Variants in ZSWIM9 observed in about 807,000 individuals in gnomAD.
The protein encoded by ZSWIM9 is zinc finger SWIM-type containing 9, also known as uncharacterized protein ZSWIM9.
A neutral mutation model predicts 25.0 loss-of-function variants in ZSWIM9; 11 were observed. The observed-to-expected ratio is 0.44, with a 90% CI of 0.28 to 0.73. The LOEUF (loss-of-function observed/expected upper bound fraction) is 0.73, where lower values mean the gene tolerates loss of function less well. Among genes scored for constraint, ZSWIM9 ranks in the 30% least tolerant of loss-of-function variants. ZSWIM9 has a pLI of 0.16. For synonymous variants in ZSWIM9, 562 were observed against 582.1 expected, an observed-to-expected ratio of 0.97 and a Z score of 0.50; for missense variants, 1,070 against 1,296.5, an observed-to-expected ratio of 0.83 and a Z score of 2.68.
intron 2 of ZSWIM9, among the ~76,000 whole-genome samples, chr19:48,173,581 T>C (rs1599920536): frequency 6.6e-6 from 1 of 152,040 alleles, no homozygotes; most frequent in African/African-American, 2.4e-5. Flanking sequence ...AATGCTGGGA[T>C]TACAGGCATG....
chr19:48,172,854 G>A (rs1403178484), intron 2 of ZSWIM9, among the ~76,000 whole-genome samples: 15 of 151,402 alleles, frequency 9.9e-5, no homozygotes, highest in Admixed American at 8.6e-4. Context: ...GAGGCAGAGC[G>A]TAAAACACAC....
At chr19:48,180,306 G>A (rs868133334) in intron 2 of ZSWIM9, among the ~76,000 whole-genome samples, 65 of 150,556 alleles carry the variant, frequency 4.3e-4, no homozygotes, top group African/African-American at 7.1e-4. Flanking sequence ...ATGAGCCACC[G>A]CGCCAGGCCA....
chr19:48,189,013 A>C (rs1369816192), intron 3 of ZSWIM9, among the ~76,000 whole-genome samples: 1 of 152,096 alleles, frequency 6.6e-6, no homozygotes, highest in Non-Finnish European at 1.5e-5. Context: ...CCTGGGTGAC[A>C]GAGCGAGACT....
At chr19:48,176,644 G>A (rs1474674162) in intron 2 of ZSWIM9, among the ~76,000 whole-genome samples, 5 of 152,048 alleles carry the variant, frequency 3.3e-5, no homozygotes, top group Non-Finnish European at 5.9e-5. Context: ...CTAAAGATGT[G>A]TTGTTTCTGG....
At position 48,170,717 on chromosome 19, in the gene ZSWIM9, G is replaced by A. The variant is rs962615408; in HGVS notation, c.-10+3G>A. 9.0e-6 allele frequency: 2 copies of A among 222,802 alleles called. No homozygotes were observed. The highest frequency in any genetic ancestry group is 4.8e-5 in the African/African-American group (2 of 41,364). The allele number at this position is 222,802 out of a possible 1,614,324, so 13.8% of individuals were successfully genotyped here. A position where few individuals can be genotyped will look rare whatever the true frequency, so the allele number is the denominator to read the frequency against. On this transcript the variant is annotated splice_donor_region_variant and intron_variant, in intron 1 of 3. Transcript: ENST00000614654. ...GGACGCCGCTCCGGGGCGGGTAGGT[G>A]AGTGGGGAGGGGCGGGAAGGGTGCA... is the stretch of plus-strand genomic sequence containing the variant.
rs201476221 is a variant in ZSWIM9, at chr19:48,183,828, T to TG, written c.588+1063dup. On this transcript the variant is annotated intron_variant, in intron 3 of 3. Transcript: ENST00000614654. Reference sequence around the variant, plus strand: ...ATTTTTTAGTTTTTGTAGAGATGTTTGGCGGGGGGGGGTCTCCCTATGTTG... The same window carrying TG: ...ATTTTTTAGTTTTTGTAGAGATGTTTGGGCGGGGGGGGGTCTCCCTATGTTG... Among the ~76,000 whole-genome samples, 1,118 of 143,412 alleles carry TG rather than the reference T, an allele frequency of 7.8e-3. 10 individuals carry two copies. The highest frequency in any genetic ancestry group is 0.025 in the Middle Eastern group (7 of 284). 94.1% of individuals were successfully genotyped at this position (143,412 alleles called of 152,430 possible).
chr19:48,194,723 C>T lies in ZSWIM9; in HGVS notation c.659C>T (p.Ala220Val), dbSNP rs951055411. Residue 220 changes from alanine (A) to valine (V), a missense_variant, in exon 4 of 4, where the codon GCG becomes GTG. By Grantham distance (64) the Ala-to-Val change is moderately conservative. Coordinates refer to ENST00000614654, the MANE Select transcript of ZSWIM9 (RefSeq NM_199341.4). The surrounding 1 kb of genome is among the most constrained non-coding windows in gnomAD (Gnocchi z 6.0). ...TVFFLTSRTR[A>V]LLRRFPRMLL... ...TTCTTCCTGACGTCGCGCACCAGGG[C>T]GCTGCTGCGGCGCTTCCCTCGCATG... 2.0e-6 allele frequency: 3 copies of T among 1,531,960 alleles called. No individual in the cohort carries two copies. Among genetic ancestry groups the T allele is most frequent in the Non-Finnish European group, 1.7e-6 (2 of 1,144,866 alleles). The allele number at this position is 1,531,960 out of a possible 1,614,324, so 94.9% of individuals were successfully genotyped here.
chr19:48,175,364 G>A (rs551595608), intron 2 of ZSWIM9, among the ~76,000 whole-genome samples: 22 of 152,234 alleles, frequency 1.4e-4, no homozygotes, highest in African/African-American at 5.1e-4. Flanking sequence ...TCTTGGAGCC[G>A]TCATGTCTAG....
intron 3 of ZSWIM9, among the ~76,000 whole-genome samples, chr19:48,187,431 AT>A (rs1700359529): frequency 9.7e-6 from 1 of 103,590 alleles, no homozygotes; most frequent in African/African-American, 3.7e-5. Flanking sequence ...ATATTATATT[AT>A]ATTATATATA....
chr19:48,182,309 G>T lies in ZSWIM9; in HGVS notation c.276-146G>T, dbSNP rs62131004. On this transcript the variant is annotated intron_variant, in intron 2 of 3. Transcript: ENST00000614654. This position sits in a 1 kb window ranked among gnomAD's most constrained non-coding sequence, Gnocchi z 4.6. ...AGAGACTTGAAGTGACTTGCCCCAG[G>T]TCACACAGCTGGCATATTCTTAGGG... is the stretch of plus-strand genomic sequence containing the variant. The T allele has an allele frequency of 1.4e-6, 1 of 692,390 alleles. No individual in the cohort carries two copies. The highest frequency in any genetic ancestry group is 2.9e-5 in the Admixed American group (1 of 33,902). 42.9% of individuals were successfully genotyped at this position (692,390 alleles called of 1,614,324 possible). A position where few individuals can be genotyped will look rare whatever the true frequency, so the allele number is the denominator to read the frequency against.
Position 48,196,587 on chromosome 19 carries a change from G to A in ZSWIM9, c.2523G>A (p.Glu841=), listed in dbSNP as rs759200249. The A allele has an allele frequency of 6.2e-5, 76 of 1,232,400 alleles. No individual in the cohort carries two copies. The highest frequency in any genetic ancestry group is 7.4e-5 in the Non-Finnish European group (73 of 988,284). 76.3% of individuals were successfully genotyped at this position (1,232,400 alleles called of 1,614,324 possible). Residue 841 remains glutamate, a synonymous_variant, in exon 4 of 4, where the codon GAG becomes GAA. Coordinates refer to ENST00000614654, the MANE Select transcript of ZSWIM9 (RefSeq NM_199341.4). ...GPELADLVAE[E]LAFARQHGTR... is the part of the protein sequence containing the mutation. Reference sequence around the variant, plus strand: ...AGCTGGCAGACCTGGTGGCTGAGGAGTTGGCCTTTGCTAGGCAGCATGGGA... The same window carrying A: ...AGCTGGCAGACCTGGTGGCTGAGGAATTGGCCTTTGCTAGGCAGCATGGGA...
intron 3 of ZSWIM9, chr19:48,187,577 A>T (rs1337337953): frequency 1.6e-5 from 1 of 64,178 alleles, no homozygotes; most frequent in East Asian, 5.6e-4. Context: ...TATTATATAT[A>T]TTATATATTA....
intron 3 of ZSWIM9, chr19:48,187,577 A>G (rs1337337953): frequency 3.1e-5 from 2 of 64,178 alleles, no homozygotes; most frequent in Non-Finnish European, 6.0e-5. Context: ...TATTATATAT[A>G]TTATATATTA....
At chr19:48,184,439 G>A (rs956692874) in intron 3 of ZSWIM9, among the ~76,000 whole-genome samples, 1 of 152,106 alleles carries the variant, frequency 6.6e-6, no homozygotes, top group Non-Finnish European at 1.5e-5. Context: ...TGAGAAAGTA[G>A]GGGAAGAACT....
At chr19:48,187,501 T>TTATATTATATATATTATATTATAA (rs1568579570) in intron 3 of ZSWIM9, among the ~76,000 whole-genome samples, 1 of 4,974 alleles carries the variant, frequency 2.0e-4, no homozygotes, top group African/African-American at 3.7e-4. Context: ...TTATAATATA[T>TTATATTATATATATTATATTATAA]TATATTATAT....
chr19:48,172,106 G>T, intron 2 of ZSWIM9, 29 bp downstream of exon 2: 6 of 1,483,020 alleles, frequency 4.0e-6, no homozygotes, highest in Non-Finnish European at 4.5e-6. Flanking sequence ...CTGTCCTGCT[G>T]GGGGGAAGGG....
At position 48,197,552 on chromosome 19, in the gene ZSWIM9, C is replaced by G; in HGVS notation, c.*725C>G. ...GGCGGGCACTGGGGGTCAGGAGAGT[C>G]TCCAGCAGGGGAGGGGAATTGTTTG... On this transcript the variant is annotated 3_prime_UTR_variant, in exon 4 of 4. Transcript: ENST00000614654. The G allele has an allele frequency of 2.1e-6, 1 of 473,728 alleles. No homozygotes were observed. Among genetic ancestry groups the G allele is most frequent in the Non-Finnish European group, 3.8e-6 (1 of 263,504 alleles). 29.3% of individuals were successfully genotyped at this position (473,728 alleles called of 1,614,324 possible). A position where few individuals can be genotyped will look rare whatever the true frequency, so the allele number is the denominator to read the frequency against.
At chr19:48,187,959 G>C (rs764265705) in intron 3 of ZSWIM9, among the ~76,000 whole-genome samples, 6 of 145,528 alleles carry the variant, frequency 4.1e-5, no homozygotes, top group Non-Finnish European at 8.9e-5. Flanking sequence ...TAGATAGATA[G>C]ATAGATAGAT....
At position 48,182,973 on chromosome 19, in the gene ZSWIM9, A is replaced by G; in HGVS notation, c.588+206A>G. On this transcript the variant is annotated intron_variant, in intron 3 of 3. Coordinates refer to ENST00000614654, the MANE Select transcript of ZSWIM9 (RefSeq NM_199341.4). This position sits in a 1 kb window ranked among gnomAD's most constrained non-coding sequence, Gnocchi z 4.6. Reference sequence around the variant, plus strand: ...CGTGGTCTCTGTCCGCAGAGAGCTTACCTTCTAGGGTAGTGCTGCCCAGTA... The same window carrying G: ...CGTGGTCTCTGTCCGCAGAGAGCTTGCCTTCTAGGGTAGTGCTGCCCAGTA... 1.7e-6 allele frequency: 1 copy of G among 587,104 alleles called. No homozygotes were observed. Among genetic ancestry groups the G allele is most frequent in the Non-Finnish European group, 3.0e-6 (1 of 329,286 alleles). 36.4% of individuals were successfully genotyped at this position (587,104 alleles called of 1,614,324 possible). A position where few individuals can be genotyped will look rare whatever the true frequency, so the allele number is the denominator to read the frequency against.
Sources: gnomAD v4.1 joint callset for allele counts (sites outside exome capture counted in the v4.1 genomes callset) on GRCh38, gnomAD v4.1.1 for gene constraint, Gnocchi (gnomAD v3.1) non-coding constraint, MANE v1.5 for transcripts, NCBI Gene and HGNC (gene_info 2026-07-23, HGNC 2026-07-21) for gene names.